The following LRRC38 variants were observed in gnomAD, a reference collection of about 807,000 sequenced individuals.
LRRC38 encodes leucine rich repeat containing 38, also known as leucine-rich repeat-containing protein 38.
Under a neutral mutation model 16.4 loss-of-function variants are expected in LRRC38, and 5 were observed. The observed-to-expected ratio is 0.31, with a 90% CI of 0.16 to 0.64. The LOEUF (loss-of-function observed/expected upper bound fraction) is 0.64, where lower values mean the gene tolerates loss of function less well. Among genes scored for constraint, LRRC38 ranks in the 30% least tolerant of loss-of-function variants. The pLI, the probability that LRRC38 is intolerant of heterozygous loss-of-function variation, is 0.80. For missense variants in LRRC38, 341 were observed against 401.8 expected (o/e 0.85, Z 1.29); for synonymous variants, 191 against 190.2 (o/e 1.00, Z -0.04).
intron 1 of LRRC38, among the ~76,000 whole-genome samples, chr1:13,509,752 C>T (rs945616081): frequency 1.3e-5 from 2 of 152,182 alleles, no homozygotes; most frequent in Non-Finnish European, 2.9e-5. Context: ...AGGAGACTTA[C>T]GGTCCTCCTA....
chr1:13,485,476 G>C (rs1286846849), intron 1 of LRRC38, among the ~76,000 whole-genome samples: 1 of 152,010 alleles, frequency 6.6e-6, no homozygotes, highest in African/African-American at 2.4e-5. Flanking sequence ...GCTGAGGAAG[G>C]AGAATGGCAT....
At chr1:13,480,126 C>T (rs919896060) in intron 1 of LRRC38, among the ~76,000 whole-genome samples, 1 of 152,202 alleles carries the variant, frequency 6.6e-6, no homozygotes, top group African/African-American at 2.4e-5. Context: ...GGGTGGATTA[C>T]CTGAGGTCAG....
rs1345518374 is a variant in LRRC38, at chr1:13,483,947, G to C, written c.632-7848C>G. 4.0e-5 allele frequency among the ~76,000 whole-genome samples: 6 copies of C among 150,944 alleles called. No homozygotes were observed. In the South Asian group the frequency reaches 1.3e-3, roughly 32 times the overall value. On this transcript the variant is annotated intron_variant, in intron 1 of 1. Coordinates refer to ENST00000376085, the MANE Select transcript of LRRC38 (RefSeq NM_001010847.2). ...AGAGGAGTGGGGAGGGGAGGAGCGG[G>C]GAGGGGAGGGGAGAGGAGAGGGAGC...
At chr1:13,490,114 C>G (rs1200099624) in intron 1 of LRRC38, among the ~76,000 whole-genome samples, 1 of 152,114 alleles carries the variant, frequency 6.6e-6, no homozygotes, top group Admixed American at 6.5e-5. Context: ...CTGTCCTTCC[C>G]CTGGTAAGAA....
chr1:13,512,921 G>GGCCCCCCA, intron 1 of LRRC38, 42 bp downstream of exon 1: 2 of 1,246,172 alleles, frequency 1.6e-6, no homozygotes, highest in Non-Finnish European at 2.2e-6. Flanking sequence ...GCCTCTCCCT[G>GGCCCCCCA]CCCCCCTCCC....
chr1:13,512,930 C>CCCA, intron 1 of LRRC38, 33 bp downstream of exon 1: 1 of 1,356,706 alleles, frequency 7.4e-7, no homozygotes, highest in Non-Finnish European at 1.0e-6. Flanking sequence ...TGCCCCCCTC[C>CCCA]CTCCCTCCCC....
intron 1 of LRRC38, among the ~76,000 whole-genome samples, chr1:13,486,575 T>C (rs1489363026): frequency 1.3e-5 from 2 of 151,078 alleles, no homozygotes; most frequent in East Asian, 1.9e-4. Context: ...CCATTAAATA[T>C]GTCTTGGTGT....
chr1:13,502,258 T>TAATAA lies in LRRC38; in HGVS notation c.631+10700_631+10704dup, dbSNP rs527708223. ...ACCCGGCCAAAGTCTATTGATTATTTAATAAAATAAAATAAAATAAAGCCA... is the reference window on the plus strand; with the variant it reads ...ACCCGGCCAAAGTCTATTGATTATTTAATAAAATAAAATAAAATAAAATAAAGCCA... On this transcript the variant is annotated intron_variant, in intron 1 of 1. Transcript: ENST00000376085. 4.5e-3 allele frequency among the ~76,000 whole-genome samples: 682 copies of TAATAA among 151,996 alleles called. 7 individuals carry two copies. Among genetic ancestry groups the TAATAA allele is most frequent in the African/African-American group, 0.015 (635 of 41,416 alleles).
intron 1 of LRRC38, among the ~76,000 whole-genome samples, chr1:13,496,571 G>A (rs1257224607): frequency 6.6e-6 from 1 of 152,178 alleles, no homozygotes; most frequent in African/African-American, 2.4e-5. Context: ...CAAGGGGACA[G>A]TTCTGGAGGC....
At chr1:13,479,614 C>T (rs551309346) in intron 1 of LRRC38, among the ~76,000 whole-genome samples, 4 of 152,300 alleles carry the variant, frequency 2.6e-5, no homozygotes, top group Admixed American at 1.3e-4. Flanking sequence ...GTTTGAAAAA[C>T]GGTGCACACA....
Position 13,513,981 on chromosome 1 carries a change from CG to C in LRRC38, c.-389del, listed in dbSNP as rs1210881292. Reference sequence around the variant, plus strand: ...TCTGGCAGTAAGACGCCGCGCGCACCGGGCGGGCTGCACTCGACGTCTAAGT... The same window carrying C: ...TCTGGCAGTAAGACGCCGCGCGCACCGGCGGGCTGCACTCGACGTCTAAGT... On this transcript the variant is annotated 5_prime_UTR_variant, in exon 1 of 2. Coordinates refer to ENST00000376085, the MANE Select transcript of LRRC38 (RefSeq NM_001010847.2). 2 of 152,164 alleles carry C rather than the reference CG, an allele frequency of 1.3e-5. No individual in the cohort carries two copies. The highest frequency in any genetic ancestry group is 4.1e-4 in the South Asian group (2 of 4,836). The allele number at this position is 152,164 out of a possible 1,614,324, so 9.4% of individuals were successfully genotyped here.
At chr1:13,485,282 A>AC (rs1218755871) in intron 1 of LRRC38, among the ~76,000 whole-genome samples, 2 of 149,972 alleles carry the variant, frequency 1.3e-5, no homozygotes, top group African/African-American at 4.9e-5. Context: ...CACCTTAAAA[A>AC]AAAAAAAAAA....
In LRRC38 at chr1:13,475,835, G is replaced by A. The variant is rs1309682157; in HGVS notation, c.*11C>T. 1 of 1,547,422 alleles carries A rather than the reference G, an allele frequency of 6.5e-7. No homozygotes were observed. Among genetic ancestry groups the A allele is most frequent in the Non-Finnish European group, 8.7e-7 (1 of 1,145,454 alleles). On this transcript the variant is annotated 3_prime_UTR_variant, in exon 2 of 2. Coordinates refer to ENST00000376085, the MANE Select transcript of LRRC38 (RefSeq NM_001010847.2). The surrounding 1 kb of genome is among the most constrained non-coding windows in gnomAD (Gnocchi z 4.3). Reference sequence around the variant, plus strand: ...GTGCTGGAGAGTAAGAGGCAGGAGGGAGGAGGTGGCTCAGTCATCCTTGTC... The same window carrying A: ...GTGCTGGAGAGTAAGAGGCAGGAGGAAGGAGGTGGCTCAGTCATCCTTGTC...
intron 1 of LRRC38, among the ~76,000 whole-genome samples, chr1:13,503,967 G>A (rs978290420): frequency 6.6e-6 from 1 of 152,172 alleles, no homozygotes; most frequent in Non-Finnish European, 1.5e-5. Context: ...TGCAAGAGCC[G>A]GCCAAGAGCC....
Position 13,487,919 on chromosome 1 carries a change from C to T in LRRC38, c.632-11820G>A, listed in dbSNP as rs381599. Among the ~76,000 whole-genome samples the T allele has an allele frequency of 4.6e-3, 700 of 151,884 alleles. 8 individuals carry two copies. Among genetic ancestry groups the T allele is most frequent in the African/African-American group, 0.016 (666 of 41,394 alleles). The stretch of plus-strand genomic sequence containing the variant: ...AAATATTTTTTTGTTTTCTTATCTC[C>T]ACATATTAGGCAAAGCTCACATATA... On this transcript the variant is annotated intron_variant, in intron 1 of 1. Coordinates refer to ENST00000376085, the MANE Select transcript of LRRC38 (RefSeq NM_001010847.2). The surrounding 1 kb of genome is among the most constrained non-coding windows in gnomAD (Gnocchi z 4.4).
rs771988041 is a variant in LRRC38 at position 13,513,381 on chromosome 1, G to T, written c.213C>A (p.Ile71=). Residue 71 remains isoleucine, a synonymous_variant, in exon 1 of 2, where the codon ATC becomes ATA. Coordinates refer to ENST00000376085, the MANE Select transcript of LRRC38 (RefSeq NM_001010847.2). ...LLVAGNRIQR[I]PEDFFIFYGD... Reference sequence around the variant, plus strand: ...CGTAGAAGATGAAGAAGTCCTCGGGGATCCGCTGGATGCGGTTGCCGGCCA... The same window carrying T: ...CGTAGAAGATGAAGAAGTCCTCGGGTATCCGCTGGATGCGGTTGCCGGCCA... The T allele has an allele frequency of 1.9e-5, 29 of 1,550,590 alleles. No homozygotes were observed. The highest frequency in any genetic ancestry group is 5.9e-5 in the Admixed American group (3 of 50,986).
At chr1:13,479,271 A>G (rs1044550016) in intron 1 of LRRC38, among the ~76,000 whole-genome samples, 4 of 152,188 alleles carry the variant, frequency 2.6e-5, no homozygotes, top group African/African-American at 9.7e-5. Flanking sequence ...AGTAAGATGG[A>G]CACCAACAGA....
intron 1 of LRRC38, among the ~76,000 whole-genome samples, chr1:13,490,359 A>G (rs934499348): frequency 7.2e-5 from 11 of 152,126 alleles, no homozygotes; most frequent in Non-Finnish European, 1.3e-4. Context: ...GGGTTTCACC[A>G]TGTTAGCCAG....
chr1:13,508,577 T>C lies in LRRC38; in HGVS notation c.631+4386A>G, dbSNP rs74350057. 6.1e-3 allele frequency among the ~76,000 whole-genome samples: 928 copies of C among 152,344 alleles called. 10 individuals carry two copies. Among genetic ancestry groups the C allele is most frequent in the African/African-American group, 0.021 (880 of 41,584 alleles). ...GTAAGAATAAAACTAGAATAAAATATAGCAAAACTTTCATAGCAATGGGAT... is the reference window on the plus strand; with the variant it reads ...GTAAGAATAAAACTAGAATAAAATACAGCAAAACTTTCATAGCAATGGGAT... On this transcript the variant is annotated intron_variant, in intron 1 of 1. Transcript: ENST00000376085.
Sources: allele counts gnomAD v4.1 joint callset (sites outside exome capture counted in the v4.1 genomes callset), GRCh38; gene constraint gnomAD v4.1.1; non-coding constraint Gnocchi (gnomAD v3.1); transcripts MANE v1.5; gene names NCBI Gene and HGNC (gene_info 2026-07-23, HGNC 2026-07-21).